The following TRPV3 variants were observed in gnomAD, a reference collection of about 807,000 sequenced individuals.
TRPV3 encodes the protein VRL-3.
A neutral mutation model predicts 87.1 loss-of-function variants in TRPV3; 88 were observed. The ratio of observed to expected loss-of-function variants is 1.01; its 90% CI spans 0.85 to 1.21. The LOEUF (loss-of-function observed/expected upper bound fraction) is 1.21. Among genes scored for constraint, TRPV3 ranks in the 50% most tolerant of loss-of-function variants. The pLI is 0.00. For synonymous variants in TRPV3, 438 were observed against 423.3 expected (o/e 1.03, Z -0.43); for missense variants, 1,054 against 1,030.1 (o/e 1.02, Z -0.32).
At chr17:3,553,200 CCCT>C (rs751239927) in intron 2 of TRPV3, 1 of 152,566 alleles carries the variant, frequency 6.6e-6, no homozygotes, top group Non-Finnish European at 1.5e-5. Flanking sequence ...CTGTGCTGCC[CCCT>C]CCTCTTTATC....
At chr17:3,535,177 C>T (rs1198062189) in intron 7 of TRPV3, among the ~76,000 whole-genome samples, 1 of 141,440 alleles carries the variant, frequency 7.1e-6, no homozygotes, top group African/African-American at 2.6e-5. Flanking sequence ...GCCCTCCTTC[C>T]TCCTCCCTTC....
At chr17:3,547,887 G>C (rs76630836) in intron 2 of TRPV3, among the ~76,000 whole-genome samples, 2,470 of 152,254 alleles carry the variant, frequency 0.016, 34 homozygotes, top group African/African-American at 0.042. Flanking sequence ...CAGACACACC[G>C]CCAGCTCCAC....
At chr17:3,555,631 T>C (rs2074621150) in intron 1 of TRPV3, among the ~76,000 whole-genome samples, 1 of 152,052 alleles carries the variant, frequency 6.6e-6, no homozygotes, top group Non-Finnish European at 1.5e-5. Flanking sequence ...CTGGGCACCG[T>C]GCTGAGCTCC....
intron 14 of TRPV3, among the ~76,000 whole-genome samples, chr17:3,520,501 C>T (rs541967779): frequency 1.3e-5 from 2 of 152,140 alleles, no homozygotes; most frequent in Non-Finnish European, 2.9e-5. Context: ...TATCTTAGGT[C>T]GTGAGGGCCA....
Position 3,518,476 on chromosome 17 carries a change from G to T in TRPV3, c.2085+100C>A. 1 of 1,367,894 alleles carries T rather than the reference G, an allele frequency of 7.3e-7. No homozygotes were observed. The allele number at this position is 1,367,894 out of a possible 1,614,324, so 84.7% of individuals were successfully genotyped here. On this transcript the variant is annotated intron_variant, in intron 15 of 17. Transcript: ENST00000576742. The surrounding 1 kb of genome is among the most constrained non-coding windows in gnomAD (Gnocchi z 4.3). ...ACTGAGGAGCTTGTGCAGATTCTCA[G>T]GCCCCACCTCAGACCCACTGGTGCT... is the stretch of plus-strand genomic sequence containing the variant.
chr17:3,549,187 G>T (rs2074550615), intron 2 of TRPV3, among the ~76,000 whole-genome samples: 1 of 152,194 alleles, frequency 6.6e-6, no homozygotes, highest in Admixed American at 6.5e-5. Context: ...TGTTGGTCCA[G>T]TCTGTCCCCT....
chr17:3,548,999 C>A (rs1001389346), intron 2 of TRPV3, among the ~76,000 whole-genome samples: 2 of 152,178 alleles, frequency 1.3e-5, no homozygotes, highest in Admixed American at 1.3e-4. Context: ...CACTTCCCTG[C>A]GGCCCTGCAG....
At chr17:3,533,107 G>A (rs2074364076) in intron 7 of TRPV3, among the ~76,000 whole-genome samples, 170 bp from the exon 8 acceptor site, 1 of 152,128 alleles carries the variant, frequency 6.6e-6, no homozygotes, top group African/African-American at 2.4e-5. Flanking sequence ...GATCACTGCG[G>A]TAGCCTCCTA....
At chr17:3,540,092 T>TAAATAAACAAAC (rs1555545584) in intron 6 of TRPV3, among the ~76,000 whole-genome samples, 28 of 150,876 alleles carry the variant, frequency 1.9e-4, no homozygotes, top group African/African-American at 6.8e-4. Flanking sequence ...AATAAATAAA[T>TAAATAAACAAAC]AAACAAAGTC....
intron 2 of TRPV3, among the ~76,000 whole-genome samples, chr17:3,549,987 T>TGATG (rs577788037): frequency 6.1e-5 from 9 of 147,748 alleles, no homozygotes; most frequent in South Asian, 4.3e-4. Flanking sequence ...AGTGGATAGA[T>TGATG]GATGGATGGA....
At chr17:3,542,409 G>C in intron 6 of TRPV3, 113 bp downstream of exon 6, 2 of 1,207,338 alleles carry the variant, frequency 1.7e-6, no homozygotes, top group South Asian at 1.6e-5. Flanking sequence ...TACATGCTTG[G>C]GGCTCCTCAA....
chr17:3,516,406 T>C (rs755506245), intron 16 of TRPV3, 51 bp downstream of exon 16: 2 of 1,446,672 alleles, frequency 1.4e-6, no homozygotes, highest in Non-Finnish European at 1.9e-6. Context: ...ATCCTGCCCC[T>C]CTCTACCCAC....
At chr17:3,540,999 T>A (rs2074453946) in intron 6 of TRPV3, among the ~76,000 whole-genome samples, 1 of 152,134 alleles carries the variant, frequency 6.6e-6, no homozygotes, top group African/African-American at 2.4e-5. Context: ...GTCTGCAGAG[T>A]TCAAATAATA....
chr17:3,531,075 C>CA (rs1363999620), intron 8 of TRPV3, among the ~76,000 whole-genome samples: 2 of 141,880 alleles, frequency 1.4e-5, no homozygotes, highest in Non-Finnish European at 1.5e-5. Flanking sequence ...CAAAACAAAA[C>CA]AAACAAACAA....
Position 3,556,584 on chromosome 17 carries a change from A to G in TRPV3, c.-3+1092T>C, listed in dbSNP as rs549126575. 8.6e-4 allele frequency among the ~76,000 whole-genome samples: 131 copies of G among 152,268 alleles called. 2 individuals carry two copies. The South Asian group carries it at 0.026, about 30-fold the overall frequency. ...TGGGGCCACTGGTGATCCTACCCCA[A>G]TAGGAAAGCTTCCTGGAGGAAGTTT... is the stretch of plus-strand genomic sequence containing the variant. On this transcript the variant is annotated intron_variant, in intron 1 of 17. Coordinates refer to ENST00000576742, the MANE Select transcript of TRPV3 (RefSeq NM_145068.4). This position sits in a 1 kb window ranked among gnomAD's most constrained non-coding sequence, Gnocchi z 4.2.
chr17:3,533,079 C>A (rs1597479705), intron 7 of TRPV3, 142 bp from the exon 8 acceptor site: 22 of 977,980 alleles, frequency 2.2e-5, no homozygotes, highest in Non-Finnish European at 3.3e-5. Context: ...TCCGCTTCTA[C>A]GGGGAAGAGT....
rs979866350 is a variant in TRPV3 at position 3,524,096 on chromosome 17, C to T, written c.1743+102G>A. The T allele has an allele frequency of 5.8e-5, 85 of 1,460,472 alleles. No individual in the cohort carries two copies. In the East Asian group the frequency reaches 1.9e-3, roughly 33 times the overall value. 90.5% of individuals were successfully genotyped at this position (1,460,472 alleles called of 1,614,324 possible). A position where few individuals can be genotyped will look rare whatever the true frequency, so the allele number is the denominator to read the frequency against. ...GGCATTTGGGAGAAAGAGCAGTGAC[C>T]TGCCCCTTGGTAAACCCCTCTTCCT... On this transcript the variant is annotated intron_variant, in intron 13 of 17. Transcript: ENST00000576742.
intron 6 of TRPV3, among the ~76,000 whole-genome samples, chr17:3,536,702 C>T (rs1361658700): frequency 6.6e-6 from 1 of 152,202 alleles, no homozygotes; most frequent in African/African-American, 2.4e-5. Context: ...AAAGAGCCTT[C>T]AGGATGCCCG....
chr17:3,519,910 AT>A (rs2074230067), intron 14 of TRPV3, among the ~76,000 whole-genome samples: 1 of 147,768 alleles, frequency 6.8e-6, no homozygotes, highest in African/African-American at 2.5e-5. Context: ...GATTAGATGG[AT>A]GGATGGATGG....
Sources: allele counts gnomAD v4.1 joint callset (sites outside exome capture counted in the v4.1 genomes callset), GRCh38; gene constraint gnomAD v4.1.1; non-coding constraint Gnocchi (gnomAD v3.1); transcripts MANE v1.5; gene names NCBI Gene and HGNC (gene_info 2026-07-23, HGNC 2026-07-21).